The following IGFBPL1 variants were observed in gnomAD, a reference collection of about 807,000 sequenced individuals.
The protein encoded by IGFBPL1 is insulin-like growth factor-binding protein-like 1.
Under a neutral mutation model 23.9 loss-of-function variants are expected in IGFBPL1, and 20 were observed. The ratio of observed to expected loss-of-function variants is 0.84; its 90% CI spans 0.59 to 1.22. The LOEUF is 1.22. IGFBPL1 is among the 50% of genes most tolerant of loss of function. The pLI is 0.00. For missense variants in IGFBPL1, 436 were observed against 379.3 expected (o/e 1.15, Z -1.24); for synonymous variants, 184 against 171.8 (o/e 1.07, Z -0.56).
intron 1 of IGFBPL1, among the ~76,000 whole-genome samples, chr9:38,422,762 T>C (rs935670875): frequency 6.6e-6 from 1 of 152,220 alleles, no homozygotes; most frequent in Non-Finnish European, 1.5e-5. Flanking sequence ...TTCCCAGGAC[T>C]GGAGGCTTCC....
intron 1 of IGFBPL1, among the ~76,000 whole-genome samples, chr9:38,421,493 A>G (rs1028223975): frequency 6.6e-6 from 1 of 151,990 alleles, no homozygotes; most frequent in African/African-American, 2.4e-5. Context: ...AGGGCCCTTC[A>G]CACACTGTGA....
Position 38,407,216 on chromosome 9 carries a change from T to C in IGFBPL1, c.*2011A>G, listed in dbSNP as rs573487057. Among the ~76,000 whole-genome samples, 37 of 152,356 alleles carry C rather than the reference T, an allele frequency of 2.4e-4. No homozygotes were observed. The highest frequency in any genetic ancestry group is 8.7e-4 in the African/African-American group (36 of 41,594). ...CCCAGTAGACAAGAACAGCTTCCAG[T>C]GCCATCCATTTCAATTCTCATCTTT... On this transcript the variant is annotated 3_prime_UTR_variant, in exon 5 of 5. Coordinates refer to ENST00000377694, the MANE Select transcript of IGFBPL1 (RefSeq NM_001007563.3).
In IGFBPL1 at chr9:38,414,145, GC is replaced by G. The variant is rs765684055; in HGVS notation, c.518del (p.Gly173AlafsTer6). Reference sequence around the variant, plus strand: ...GCACAGCCCTCACTTCACAGGACAGGCCCACCTGCGCCCCGGTGACGTTGTG... The same window carrying G: ...GCACAGCCCTCACTTCACAGGACAGGCCACCTGCGCCCCGGTGACGTTGTG... Reference protein sequence around the residue: ...SVHNVTGAQVGLSCEVRAVPT... With the variant: ...SVHNVTGAQVXLSCEVRAVPT... On this transcript the variant is annotated frameshift_variant, in exon 2 of 5. Coordinates refer to ENST00000377694, the MANE Select transcript of IGFBPL1 (RefSeq NM_001007563.3). LOFTEE classifies it high-confidence loss of function. 9.3e-6 allele frequency: 15 copies of G among 1,612,260 alleles called. No homozygotes were observed. The highest frequency in any genetic ancestry group is 1.1e-5 in the Non-Finnish European group (13 of 1,179,430).
intron 1 of IGFBPL1, among the ~76,000 whole-genome samples, chr9:38,422,804 T>C (rs1240356601): frequency 6.6e-6 from 1 of 152,192 alleles, no homozygotes; most frequent in Non-Finnish European, 1.5e-5. Flanking sequence ...TTGCGTCTCC[T>C]GGACTTGGGT....
intron 4 of IGFBPL1, among the ~76,000 whole-genome samples, chr9:38,410,585 C>T (rs771831864): frequency 1.8e-4 from 27 of 151,982 alleles, no homozygotes; most frequent in Admixed American, 6.5e-4. Flanking sequence ...GGCCACAGAA[C>T]GGACATGTTC....
At position 38,410,235 on chromosome 9, in the gene IGFBPL1, T is replaced by C. The variant is rs141175568; in HGVS notation, c.*10-1018A>G. 1.3e-3 allele frequency among the ~76,000 whole-genome samples: 201 copies of C among 152,214 alleles called. 1 individual carries two copies. Among genetic ancestry groups the C allele is most frequent in the African/African-American group, 4.4e-3 (182 of 41,510 alleles). ...CGGTGGCTCACGCCTGTAATCCCAG[T>C]ACTTTGGGATGCCAAGGCGGGCGGA... On this transcript the variant is annotated intron_variant, in intron 4 of 4. Coordinates refer to ENST00000377694, the MANE Select transcript of IGFBPL1 (RefSeq NM_001007563.3).
rs1459388533 is a variant in IGFBPL1, at chr9:38,407,170, G to A, written c.*2057C>T. The stretch of plus-strand genomic sequence containing the variant: ...GCTGAGTGAGGAGTGGATGTGAGCA[G>A]GTCCCCTGGCAGCTCCAAACCCCAG... On this transcript the variant is annotated 3_prime_UTR_variant, in exon 5 of 5. Transcript: ENST00000377694. Among the ~76,000 whole-genome samples the A allele has an allele frequency of 6.6e-6, 1 of 152,230 alleles. No individual in the cohort carries two copies.
chr9:38,419,982 T>C (rs1821657465), intron 1 of IGFBPL1, among the ~76,000 whole-genome samples: 2 of 151,748 alleles, frequency 1.3e-5, no homozygotes, highest in South Asian at 2.1e-4. Flanking sequence ...CTCGAACTCC[T>C]GGGCTCAAGA....
At chr9:38,420,567 C>T (rs12336644) in intron 1 of IGFBPL1, among the ~76,000 whole-genome samples, 5,376 of 152,276 alleles carry the variant, frequency 0.035, 321 homozygotes, top group African/African-American at 0.12. Context: ...GGCATGGTGG[C>T]GCACGCCTGT....
chr9:38,413,262 T>G lies in IGFBPL1; in HGVS notation c.662A>C (p.Asp221Ala). Residue 221 changes from aspartate (D) to alanine (A), a missense_variant, in exon 3 of 5, where the codon GAC becomes GCC. Physicochemically the swap from Asp to Ala is moderately radical, Grantham distance 126. Transcript: ENST00000377694. ...IAVQVRGGPSDHEATAWILIN... is the reference protein window; with the variant it reads ...IAVQVRGGPSAHEATAWILIN... ...CAAAATCCAGGCCGTGGCCTCATGG[T>G]CAGAAGGGCCCCCTCGCACTTGGAC... 1 of 1,613,588 alleles carries G rather than the reference T, an allele frequency of 6.2e-7. No homozygotes were observed. Among genetic ancestry groups the G allele is most frequent in the Non-Finnish European group, 8.5e-7 (1 of 1,179,566 alleles).
rs997166604 is a variant in IGFBPL1, at chr9:38,423,840, T to G, written c.460+125A>C. On this transcript the variant is annotated intron_variant, in intron 1 of 4. Coordinates refer to ENST00000377694, the MANE Select transcript of IGFBPL1 (RefSeq NM_001007563.3). ...CACGAGGAGAGATATGAAATACTGC[T>G]CCCTAAGGGGAAACTGAGTGCCAGG... 3.3e-6 allele frequency: 3 copies of G among 920,404 alleles called. No individual in the cohort carries two copies. The African/African-American group carries it at 5.2e-5, about 16-fold the overall frequency. 57.0% of individuals were successfully genotyped at this position (920,404 alleles called of 1,614,324 possible). A position where few individuals can be genotyped will look rare whatever the true frequency, so the allele number is the denominator to read the frequency against.
intron 1 of IGFBPL1, among the ~76,000 whole-genome samples, chr9:38,419,774 A>G (rs1178465831): frequency 6.6e-6 from 1 of 152,172 alleles, no homozygotes; most frequent in Non-Finnish European, 1.5e-5. Context: ...AGCTGAACCA[A>G]TAATTCAGAA....
intron 4 of IGFBPL1, among the ~76,000 whole-genome samples, chr9:38,410,185 GT>G (rs1821490675): frequency 6.6e-6 from 1 of 152,148 alleles, no homozygotes; most frequent in East Asian, 1.9e-4. Context: ...CCCCATTCCT[GT>G]AAGAGGATCG....
intron 1 of IGFBPL1, among the ~76,000 whole-genome samples, chr9:38,423,082 G>T (rs1426746604): frequency 1.3e-5 from 2 of 152,164 alleles, no homozygotes; most frequent in African/African-American, 4.8e-5. Flanking sequence ...GTACACAGCG[G>T]CACTTCAAAA....
At position 38,414,108 on chromosome 9, in the gene IGFBPL1, T is replaced by A. The variant is rs1563919558; in HGVS notation, c.556A>T (p.Ile186Phe). 6 of 1,604,720 alleles carry A rather than the reference T, an allele frequency of 3.7e-6. No homozygotes were observed. The highest frequency in any genetic ancestry group is 3.4e-6 in the Non-Finnish European group (4 of 1,174,840). Residue 186 changes from isoleucine (I) to phenylalanine (F), a missense_variant, in exon 2 of 5, where the codon ATC (isoleucine) becomes TTC (phenylalanine). By Grantham distance (21) the Ile-to-Phe change is conservative. Transcript: ENST00000377694. ...CEVRAVPTPV[I>F]TWRKVTKSPE... is the part of the protein sequence containing the mutation. ...GACAGAAATACCTTTCTCCACGTGA[T>A]GACTGGGGTAGGCACAGCCCTCACT...
chr9:38,413,821 T>C (rs972913310), intron 2 of IGFBPL1, among the ~76,000 whole-genome samples: 3 of 152,116 alleles, frequency 2.0e-5, no homozygotes, highest in African/African-American at 7.2e-5. Flanking sequence ...CACAGCTTTC[T>C]GGGTCCCTAA....
At chr9:38,416,821 T>G (rs901510953) in intron 1 of IGFBPL1, among the ~76,000 whole-genome samples, 1 of 151,898 alleles carries the variant, frequency 6.6e-6, no homozygotes, top group African/African-American at 2.4e-5. Context: ...ACTACAGGCA[T>G]GCACTACCAC....
At chr9:38,412,811 G>A (rs1475036278) in intron 3 of IGFBPL1, among the ~76,000 whole-genome samples, 1 of 152,148 alleles carries the variant, frequency 6.6e-6, no homozygotes, top group East Asian at 1.9e-4. Flanking sequence ...GAAATGGTGG[G>A]TCAAGTCCTC....
intron 1 of IGFBPL1, 42 bp downstream of exon 1, chr9:38,423,923 A>G (rs960630989): frequency 1.5e-6 from 2 of 1,325,722 alleles, no homozygotes; most frequent in Non-Finnish European, 1.9e-6. Flanking sequence ...GAGGGTTGGA[A>G]TCCCTCCTTC....
Sources: gnomAD v4.1 joint callset for allele counts (sites outside exome capture counted in the v4.1 genomes callset) on GRCh38, gnomAD v4.1.1 for gene constraint, MANE v1.5 for transcripts, NCBI Gene and HGNC (gene_info 2026-07-23, HGNC 2026-07-21) for gene names.